MBOAT2: variants seen among roughly 807,000 people sequenced by gnomAD.
The protein encoded by MBOAT2 is membrane bound glycerophospholipid O-acyltransferase 2, also known as membrane-bound glycerophospholipid O-acyltransferase 2.
Under a neutral mutation model 63.4 loss-of-function variants are expected in MBOAT2, and 28 were observed. That is an observed-to-expected ratio of 0.44 (90% CI 0.33 to 0.61). MBOAT2 has a LOEUF of 0.61. Among genes scored for constraint, MBOAT2 ranks in the 20% least tolerant of loss-of-function variants. The probability of loss-of-function intolerance (pLI) is 0.03; values close to 1 mark genes in which losing one functional copy is unlikely to be tolerated. For synonymous variants in MBOAT2, 211 were observed against 215.6 expected (o/e 0.98, Z 0.19); for missense variants, 470 against 605.8 (o/e 0.78, Z 2.35).
chr2:8,885,298 C>T (rs191022479), intron 5 of MBOAT2, among the ~76,000 whole-genome samples: 1 of 152,292 alleles, frequency 6.6e-6, no homozygotes, highest in Admixed American at 6.5e-5. Flanking sequence ...AATGTACACA[C>T]ATTTTGTTTT....
chr2:8,894,145 C>T (rs1330732956), intron 4 of MBOAT2, among the ~76,000 whole-genome samples: 2 of 152,152 alleles, frequency 1.3e-5, no homozygotes, highest in African/African-American at 4.8e-5. Flanking sequence ...ATTCCCCTCC[C>T]TGTGTCCACG....
intron 4 of MBOAT2, among the ~76,000 whole-genome samples, chr2:8,891,474 C>A (rs190784507): frequency 1.1e-4 from 17 of 152,280 alleles, no homozygotes; most frequent in African/African-American, 4.1e-4. Context: ...GCATTTACAA[C>A]AAAAACAGTG....
chr2:9,000,412 T>G (rs1020675559), intron 1 of MBOAT2, among the ~76,000 whole-genome samples: 1 of 152,238 alleles, frequency 6.6e-6, no homozygotes, highest in Non-Finnish European at 1.5e-5. Context: ...AATTGAGTTT[T>G]TAGTTATTCC....
intron 3 of MBOAT2, among the ~76,000 whole-genome samples, chr2:8,932,424 G>A (rs1009119137): frequency 1.3e-5 from 2 of 152,166 alleles, no homozygotes; most frequent in African/African-American, 2.4e-5. Flanking sequence ...GAAGAAGCCA[G>A]TCACAATACA....
intron 1 of MBOAT2, among the ~76,000 whole-genome samples, chr2:8,995,261 A>C (rs1672203542): frequency 6.6e-6 from 1 of 152,232 alleles, no homozygotes; most frequent in South Asian, 2.1e-4. Context: ...AATCACATGG[A>C]GCAGGCTCTC....
chr2:8,930,703 G>T (rs1356801724), intron 3 of MBOAT2, among the ~76,000 whole-genome samples: 2 of 135,188 alleles, frequency 1.5e-5, no homozygotes, highest in Non-Finnish European at 3.2e-5. Flanking sequence ...ATCACACACC[G>T]GGGACTGTTG....
At chr2:8,892,816 A>G (rs1664102006) in intron 4 of MBOAT2, among the ~76,000 whole-genome samples, 1 of 152,098 alleles carries the variant, frequency 6.6e-6, no homozygotes. Flanking sequence ...CCCAGGAAGA[A>G]GTGTGACTGG....
chr2:8,965,425 C>A (rs1282965260), intron 1 of MBOAT2, among the ~76,000 whole-genome samples: 1 of 152,118 alleles, frequency 6.6e-6, no homozygotes, highest in Non-Finnish European at 1.5e-5. Flanking sequence ...GATGTGGGAC[C>A]TCAACCTCTG....
At chr2:8,872,874 A>G (rs1461443873) in intron 8 of MBOAT2, among the ~76,000 whole-genome samples, 3 of 152,308 alleles carry the variant, frequency 2.0e-5, no homozygotes, top group African/African-American at 7.2e-5. Flanking sequence ...CATTCAACAA[A>G]TATCTGTTGT....
At chr2:8,996,035 C>T (rs1448884266) in intron 1 of MBOAT2, among the ~76,000 whole-genome samples, 1 of 152,192 alleles carries the variant, frequency 6.6e-6, no homozygotes, top group East Asian at 1.9e-4. Flanking sequence ...TGGGTATACC[C>T]TGAGTAGAGC....
At chr2:8,960,163 A>G (rs940428279) in intron 1 of MBOAT2, among the ~76,000 whole-genome samples, 1 of 152,238 alleles carries the variant, frequency 6.6e-6, no homozygotes, top group African/African-American at 2.4e-5. Context: ...TTAATTAAGC[A>G]AAAAGTGAAT....
At chr2:8,913,443 A>G (rs115824265) in intron 3 of MBOAT2, among the ~76,000 whole-genome samples, 232 of 152,274 alleles carry the variant, frequency 1.5e-3, no homozygotes, top group Non-Finnish European at 2.5e-3. Context: ...CTAACAAAGA[A>G]ATAATATCCA....
chr2:8,902,001 T>C (rs1476640546), intron 4 of MBOAT2, among the ~76,000 whole-genome samples: 1 of 152,198 alleles, frequency 6.6e-6, no homozygotes, highest in Admixed American at 6.5e-5. Flanking sequence ...GTTCCGCTCA[T>C]GGCCGCAGGG....
At chr2:8,869,743 T>G (rs750605110) in intron 8 of MBOAT2, among the ~76,000 whole-genome samples, 1 of 152,102 alleles carries the variant, frequency 6.6e-6, no homozygotes, top group South Asian at 2.1e-4. Flanking sequence ...TAGTAACATA[T>G]TCAACAGAAT....
chr2:8,929,330 GTTCATTCA>G (rs56004479), intron 3 of MBOAT2, among the ~76,000 whole-genome samples: 2,461 of 151,472 alleles, frequency 0.016, 30 homozygotes, highest in South Asian at 0.028. Context: ...TTATTTATTT[GTTCATTCA>G]TTCATTCATT....
intron 1 of MBOAT2, among the ~76,000 whole-genome samples, chr2:8,988,131 A>G (rs1000081917): frequency 6.6e-6 from 1 of 152,250 alleles, no homozygotes; most frequent in Non-Finnish European, 1.5e-5. Flanking sequence ...TTTAAGGTAC[A>G]GATGAACTGA....
chr2:8,980,355 A>G (rs1671112677), intron 1 of MBOAT2, among the ~76,000 whole-genome samples: 1 of 152,136 alleles, frequency 6.6e-6, no homozygotes, highest in African/African-American at 2.4e-5. Flanking sequence ...AACCCTAAAG[A>G]CAAATCCCTG....
intron 1 of MBOAT2, among the ~76,000 whole-genome samples, chr2:8,975,789 GAAC>G (rs532727116): frequency 0.011 from 377 of 34,322 alleles, 1 homozygote; most frequent in African/African-American, 0.058. Context: ...ACAATTAAAT[GAAC>G]AATACAAAAA....
At chr2:8,962,282 T>G (rs1489604706) in intron 1 of MBOAT2, among the ~76,000 whole-genome samples, 1 of 152,130 alleles carries the variant, frequency 6.6e-6, no homozygotes, top group Non-Finnish European at 1.5e-5. Context: ...TCCTGACCAC[T>G]GCATTATACT....
Sources: allele counts gnomAD v4.1 joint callset (sites outside exome capture counted in the v4.1 genomes callset), GRCh38; gene constraint gnomAD v4.1.1; transcripts MANE v1.5; gene names NCBI Gene and HGNC (gene_info 2026-07-23, HGNC 2026-07-21).